The following SLC18A2 variants were observed in gnomAD, a reference collection of about 807,000 sequenced individuals.
The protein encoded by SLC18A2 is solute carrier family 18 member A2.
SLC18A2 carries 33 observed loss-of-function variants against 59.2 expected under a neutral mutation model. The ratio of observed to expected loss-of-function variants is 0.56; its 90% CI spans 0.42 to 0.75. The LOEUF (loss-of-function observed/expected upper bound fraction) is 0.75, where lower values mean the gene tolerates loss of function less well. Ranked by LOEUF, SLC18A2 falls within the 30% of genes least tolerant of loss-of-function variation. The probability of loss-of-function intolerance (pLI) is 0.00; values close to 1 mark genes in which losing one functional copy is unlikely to be tolerated. For synonymous variants in SLC18A2, 228 were observed against 253.5 expected (o/e 0.90, Z 0.95); for missense variants, 569 against 668.6 (o/e 0.85, Z 1.64).
chr10:117,254,414 T>C lies in SLC18A2; in HGVS notation c.617T>C (p.Met206Thr). The C allele has an allele frequency of 6.3e-7, 1 of 1,592,200 alleles. No homozygotes were observed. The highest frequency in any genetic ancestry group is 8.6e-7 in the Non-Finnish European group (1 of 1,168,086). Residue 206 changes from methionine (M) to threonine (T), a missense_variant, in exon 6 of 16, where the codon ATG (methionine) becomes ACG (threonine). Met to Thr is a moderately conservative substitution (Grantham distance 81). Coordinates refer to ENST00000644641, the MANE Select transcript of SLC18A2 (RefSeq NM_003054.6). ...TTCTTTCCCTGTGTAGGGATGGGCA[T>C]GCTTGCCAGTGTCTACACAGATGAT... is the stretch of plus-strand genomic sequence containing the variant. ...SSCSSVAGMG[M>T]LASVYTDDEE... is the part of the protein sequence containing the mutation.
chr10:117,255,317 G>A lies in SLC18A2; in HGVS notation c.741G>A (p.Gly247=), dbSNP rs1216579882. ...PFGSVLYEFV[G]KTAPFLVLAA... is the part of the protein sequence containing the mutation. ...GGAGTGTGCTCTATGAGTTTGTGGG[G>A]AAGACGGCTCCGTTCCTGGTGCTGG... Residue 247 remains glycine, a synonymous_variant, in exon 7 of 16, where the codon GGG becomes GGA. Transcript: ENST00000644641. 9.9e-6 allele frequency: 16 copies of A among 1,614,242 alleles called. No homozygotes were observed. The highest frequency in any genetic ancestry group is 1.4e-5 in the Non-Finnish European group (16 of 1,180,042).
intron 2 of SLC18A2, among the ~76,000 whole-genome samples, chr10:117,243,097 A>G (rs1463730822): frequency 6.6e-6 from 1 of 151,264 alleles, no homozygotes; most frequent in East Asian, 2.0e-4. Flanking sequence ...GTTGTAGGAA[A>G]AATTACAGAT....
chr10:117,267,822 CA>C, intron 13 of SLC18A2, 86 bp downstream of exon 13: 1 of 1,047,952 alleles, frequency 9.5e-7, no homozygotes, highest in East Asian at 2.5e-5. Context: ...TGTAGTTCCT[CA>C]ACCTAAATTT....
intron 3 of SLC18A2, among the ~76,000 whole-genome samples, chr10:117,247,515 C>T (rs576863975): frequency 1.3e-5 from 2 of 152,330 alleles, no homozygotes; most frequent in South Asian, 2.1e-4. Flanking sequence ...CAGCTTGTAC[C>T]TTTAGCTACT....
chr10:117,269,230 C>A lies in SLC18A2; in HGVS notation c.1187-841C>A, dbSNP rs1844393496. Among the ~76,000 whole-genome samples, 2 of 151,370 alleles carry A rather than the reference C, an allele frequency of 1.3e-5. No homozygotes were observed. Among genetic ancestry groups the A allele is most frequent in the South Asian group, 4.2e-4 (2 of 4,778 alleles). On this transcript the variant is annotated intron_variant, in intron 13 of 15. Transcript: ENST00000644641. The surrounding 1 kb of genome is among the most constrained non-coding windows in gnomAD (Gnocchi z 5.1). ...ACACATACACACACATACACAAATACAAGTACATACACAAACACATATACA... is the reference window on the plus strand; with the variant it reads ...ACACATACACACACATACACAAATAAAAGTACATACACAAACACATATACA...
At chr10:117,263,328 G>T (rs371456692) in intron 10 of SLC18A2, among the ~76,000 whole-genome samples, 5 of 152,314 alleles carry the variant, frequency 3.3e-5, no homozygotes, top group African/African-American at 1.2e-4. Flanking sequence ...TGGTGTTCAG[G>T]AATCTTCTCT....
chr10:117,267,569 A>G, intron 12 of SLC18A2, 104 bp from the exon 13 acceptor site: 1 of 776,760 alleles, frequency 1.3e-6, no homozygotes, highest in Non-Finnish European at 2.1e-6. Flanking sequence ...TTCAGAAGGG[A>G]ACAGGCATAC....
chr10:117,253,552 C>T (rs1435765307), intron 4 of SLC18A2, 95 bp downstream of exon 4: 6 of 18,392 alleles, frequency 3.3e-4, no homozygotes, highest in African/African-American at 1.3e-3. Flanking sequence ...CTAAGGACGG[C>T]GGGGGGGCGG....
intron 3 of SLC18A2, among the ~76,000 whole-genome samples, chr10:117,248,513 C>T (rs1844132461): frequency 6.6e-6 from 1 of 152,164 alleles, no homozygotes; most frequent in Non-Finnish European, 1.5e-5. Flanking sequence ...CTGGATTGAC[C>T]TGATTTCCAT....
intron 15 of SLC18A2, among the ~76,000 whole-genome samples, chr10:117,271,860 A>G (rs1014971370): frequency 9.9e-5 from 15 of 152,222 alleles, no homozygotes; most frequent in Non-Finnish European, 1.8e-4. Flanking sequence ...TGTTGCCATG[A>G]TAACAGTTTA....
Position 117,270,062 on chromosome 10 carries a change from T to C in SLC18A2, c.1187-9T>C, listed in dbSNP as rs752354972. ...TTTTCTATACACTGTGTTCCCTGAC[T>C]GTCTTCAGGAATGGTGGATTCGTCA... is the stretch of plus-strand genomic sequence containing the variant. On this transcript the variant is annotated splice_polypyrimidine_tract_variant and intron_variant, in intron 13 of 15. Coordinates refer to ENST00000644641, the MANE Select transcript of SLC18A2 (RefSeq NM_003054.6). 2 of 1,613,930 alleles carry C rather than the reference T, an allele frequency of 1.2e-6. No individual in the cohort carries two copies. The highest frequency in any genetic ancestry group is 2.7e-5 in the African/African-American group (2 of 74,932).
chr10:117,278,070 A>C lies in SLC18A2; in HGVS notation c.*804A>C, dbSNP rs1244235399. Reference sequence around the variant, plus strand: ...TTACTGGATGAAGAAAATTGAGGGTACATGTACCTTATACTGTCAAGGTTG... The same window carrying C: ...TTACTGGATGAAGAAAATTGAGGGTCCATGTACCTTATACTGTCAAGGTTG... On this transcript the variant is annotated 3_prime_UTR_variant, in exon 16 of 16. Transcript: ENST00000644641. 1.5e-4 allele frequency: 23 copies of C among 152,192 alleles called. No homozygotes were observed. 9.4% of individuals were successfully genotyped at this position (152,192 alleles called of 1,614,324 possible).
intron 9 of SLC18A2, among the ~76,000 whole-genome samples, chr10:117,257,408 G>A (rs777846070): frequency 2.0e-5 from 3 of 152,018 alleles, no homozygotes; most frequent in African/African-American, 4.8e-5. Flanking sequence ...ACACAGATGC[G>A]AGAGCCTCAG....
Position 117,278,737 on chromosome 10 carries a change from C to G in SLC18A2, c.*1471C>G, listed in dbSNP as rs1367154343. Reference sequence around the variant, plus strand: ...CTTATTCTCTAGGAAAGTAACACTTCGTTTCATGAAGCTTTTCTGTGGGGC... The same window carrying G: ...CTTATTCTCTAGGAAAGTAACACTTGGTTTCATGAAGCTTTTCTGTGGGGC... On this transcript the variant is annotated 3_prime_UTR_variant, in exon 16 of 16. Transcript: ENST00000644641. 3 of 152,196 alleles carry G rather than the reference C, an allele frequency of 2.0e-5. No homozygotes were observed. The highest frequency in any genetic ancestry group is 4.8e-5 in the African/African-American group (2 of 41,460). 9.4% of individuals were successfully genotyped at this position (152,196 alleles called of 1,614,324 possible).
intron 10 of SLC18A2, among the ~76,000 whole-genome samples, chr10:117,262,646 A>T (rs1844307031): frequency 6.6e-6 from 1 of 152,004 alleles, no homozygotes; most frequent in Non-Finnish European, 1.5e-5. Flanking sequence ...CTTTGCATGC[A>T]ACTCTTGAGC....
At chr10:117,253,176 C>T (rs1331334139) in intron 3 of SLC18A2, among the ~76,000 whole-genome samples, 1 of 152,096 alleles carries the variant, frequency 6.6e-6, no homozygotes, top group Non-Finnish European at 1.5e-5. Context: ...ACATTTATTC[C>T]AAACAAATTT....
At position 117,277,257 on chromosome 10, in the gene SLC18A2, A is replaced by C; in HGVS notation, c.1536A>C (p.Glu512Asp). The part of the protein sequence containing the change: ...SYPIGEDEES[E>D]SD The stretch of plus-strand genomic sequence containing the variant: ...CGATAGGTGAAGATGAAGAATCTGA[A>C]AGTGACTGAGATGAGATCCTCAAAA... The change falls in exon 16 of 16, where the codon GAA becomes GAC. Residue 512 changes from glutamate to aspartate, a missense_variant. Coordinates refer to ENST00000644641, the MANE Select transcript of SLC18A2 (RefSeq NM_003054.6). 6.3e-7 allele frequency: 1 copy of C among 1,593,176 alleles called. No homozygotes were observed. Among genetic ancestry groups the C allele is most frequent in the Non-Finnish European group, 8.6e-7 (1 of 1,162,954 alleles).
At chr10:117,258,032 T>A (rs893462818) in intron 10 of SLC18A2, 140 bp downstream of exon 10, 23 of 575,512 alleles carry the variant, frequency 4.0e-5, no homozygotes, top group Non-Finnish European at 6.7e-5. Context: ...GGGTCATTGC[T>A]TAGGGCAGCC....
At chr10:117,252,424 G>GATA (rs1844173822) in intron 3 of SLC18A2, among the ~76,000 whole-genome samples, 1 of 152,078 alleles carries the variant, frequency 6.6e-6, no homozygotes. Context: ...AGAGACAGAA[G>GATA]AGACTTAGAG....
Sources: gnomAD v4.1 joint callset for allele counts (sites outside exome capture counted in the v4.1 genomes callset) on GRCh38, gnomAD v4.1.1 for gene constraint, Gnocchi (gnomAD v3.1) non-coding constraint, MANE v1.5 for transcripts, NCBI Gene and HGNC (gene_info 2026-07-23, HGNC 2026-07-21) for gene names.